The following SLC8A1 variants were observed in gnomAD, a reference collection of about 807,000 sequenced individuals.
SLC8A1 encodes the protein solute carrier family 8 member A1.
Under a neutral mutation model 68.3 loss-of-function variants are expected in SLC8A1, and 18 were observed. The observed-to-expected ratio is 0.26, with a 90% CI of 0.18 to 0.39. The LOEUF (loss-of-function observed/expected upper bound fraction) is 0.39. Among genes scored for constraint, SLC8A1 ranks in the 10% least tolerant of loss-of-function variants. The pLI is 1.00. For synonymous variants in SLC8A1, 475 were observed against 415.5 expected (o/e 1.14, Z -1.74); for missense variants, 985 against 1,156.7 (o/e 0.85, Z 2.15).
At chr2:40,508,625 C>T (rs71441105) in intron 1 of SLC8A1, among the ~76,000 whole-genome samples, 6,054 of 152,098 alleles carry the variant, frequency 0.04, 389 homozygotes, top group East Asian at 0.32. Flanking sequence ...ACATATCAAT[C>T]CTTTATTATA....
chr2:40,238,950 C>T (rs577324900), intron 2 of SLC8A1, among the ~76,000 whole-genome samples: 118 of 151,930 alleles, frequency 7.8e-4, no homozygotes, highest in African/African-American at 2.7e-3. Context: ...TGTGAACTTG[C>T]ACCTGTTATT....
At chr2:40,293,629 C>G (rs1484660081) in intron 2 of SLC8A1, among the ~76,000 whole-genome samples, 2 of 152,064 alleles carry the variant, frequency 1.3e-5, no homozygotes, top group Non-Finnish European at 2.9e-5. Flanking sequence ...AGGAAAATCA[C>G]TCTATTGATG....
chr2:40,427,508 C>A (rs916622220), intron 2 of SLC8A1, among the ~76,000 whole-genome samples: 2 of 152,066 alleles, frequency 1.3e-5, no homozygotes, highest in East Asian at 3.9e-4. Context: ...CCCTCTCTCC[C>A]TCCCTCCTTT....
At chr2:40,405,533 G>A (rs937332753) in intron 2 of SLC8A1, among the ~76,000 whole-genome samples, 1 of 152,170 alleles carries the variant, frequency 6.6e-6, no homozygotes, top group Non-Finnish European at 1.5e-5. Context: ...GAGATCCCAT[G>A]CCACAATTCA....
At chr2:40,119,981 C>T (rs557410521) in intron 7 of SLC8A1, among the ~76,000 whole-genome samples, 67 of 152,320 alleles carry the variant, frequency 4.4e-4, no homozygotes, top group African/African-American at 1.5e-3. Context: ...TTACCTTGCC[C>T]AAGTCATCTG....
At chr2:40,404,031 T>A (rs1689578822) in intron 2 of SLC8A1, among the ~76,000 whole-genome samples, 1 of 152,224 alleles carries the variant, frequency 6.6e-6, no homozygotes, top group East Asian at 1.9e-4. Context: ...ATATTAACCT[T>A]AGACTATCAA....
At chr2:40,165,062 C>G (rs1312948806) in intron 4 of SLC8A1, 78 bp from the exon 8 acceptor site, 1 of 1,584,524 alleles carries the variant, frequency 6.3e-7, no homozygotes, top group Non-Finnish European at 8.6e-7. Context: ...CATAAGAAAG[C>G]CAAGGAGGAA....
At chr2:40,376,009 T>C (rs1461876289) in intron 2 of SLC8A1, among the ~76,000 whole-genome samples, 2 of 151,880 alleles carry the variant, frequency 1.3e-5, no homozygotes, top group Non-Finnish European at 2.9e-5. Flanking sequence ...TCAAAATAAA[T>C]AAATAAATAA....
At chr2:40,192,549 G>A (rs2148655558) in intron 2 of SLC8A1, among the ~76,000 whole-genome samples, 1 of 152,176 alleles carries the variant, frequency 6.6e-6, no homozygotes, top group African/African-American at 2.4e-5. Flanking sequence ...AACGCAAATG[G>A]AGAAATACGG....
intron 4 of SLC8A1, among the ~76,000 whole-genome samples, chr2:40,165,565 G>A (rs2046408657): frequency 2.0e-5 from 3 of 152,154 alleles, no homozygotes; most frequent in Non-Finnish European, 2.9e-5. Context: ...TCTGTGAGAC[G>A]CTTGGGCTCC....
chr2:40,104,077 C>G (rs938178123), exon 8 of SLC8A1: 1 of 152,168 alleles, frequency 6.6e-6, no homozygotes, highest in African/African-American at 2.4e-5. Flanking sequence ...TTAAAGATTC[C>G]TTTTCCAAAG....
At chr2:40,176,482 G>A (rs896033196) in intron 3 of SLC8A1, among the ~76,000 whole-genome samples, 1 of 152,052 alleles carries the variant, frequency 6.6e-6, no homozygotes, top group Non-Finnish European at 1.5e-5. Context: ...ATAATTTTCT[G>A]GTCTCTTTTT....
intron 2 of SLC8A1, among the ~76,000 whole-genome samples, chr2:40,374,407 A>G (rs1219803247): frequency 2.6e-5 from 4 of 151,940 alleles, no homozygotes; most frequent in Admixed American, 1.3e-4. Context: ...AAAAGAAAAG[A>G]TGAAATGAAT....
chr2:40,415,139 C>T (rs1039246790), intron 2 of SLC8A1, among the ~76,000 whole-genome samples: 2 of 152,172 alleles, frequency 1.3e-5, no homozygotes, highest in Middle Eastern at 3.2e-3. Context: ...AGTGCACCAA[C>T]TATTTCTCCA....
At chr2:40,234,266 T>C (rs1457894663) in intron 2 of SLC8A1, among the ~76,000 whole-genome samples, 3 of 151,572 alleles carry the variant, frequency 2.0e-5, no homozygotes, top group Non-Finnish European at 4.4e-5. Flanking sequence ...GTTTCCTCTT[T>C]TATTTCCTTG....
chr2:40,158,334 A>T (rs1046464482), intron 6 of SLC8A1, among the ~76,000 whole-genome samples: 2 of 152,214 alleles, frequency 1.3e-5, no homozygotes, highest in Admixed American at 1.3e-4. Context: ...AACTTTTGAA[A>T]CTGCCCTTCA....
At chr2:40,155,786 C>G (rs1043468442) in intron 6 of SLC8A1, among the ~76,000 whole-genome samples, 5 of 152,134 alleles carry the variant, frequency 3.3e-5, no homozygotes, top group African/African-American at 1.2e-4. Context: ...CCATATTGGA[C>G]TGGTGGGCTA....
intron 1 of SLC8A1, among the ~76,000 whole-genome samples, chr2:40,443,753 CCT>C (rs1700940055): frequency 6.6e-6 from 1 of 152,102 alleles, no homozygotes; most frequent in Non-Finnish European, 1.5e-5. Context: ...AGTCATTTTC[CCT>C]CTCTTAGTAT....
intron 2 of SLC8A1, among the ~76,000 whole-genome samples, chr2:40,403,850 A>G (rs960571201): frequency 6.6e-6 from 1 of 152,228 alleles, no homozygotes; most frequent in Non-Finnish European, 1.5e-5. Context: ...AAATACAGCT[A>G]TGAAGCAAAA....
Sources: gnomAD v4.1 joint callset for allele counts (sites outside exome capture counted in the v4.1 genomes callset) on GRCh38, gnomAD v4.1.1 for gene constraint, MANE v1.5 for transcripts, NCBI Gene and HGNC (gene_info 2026-07-23, HGNC 2026-07-21) for gene names.